Variants in PTPRD observed in about 807,000 individuals in gnomAD.
PTPRD encodes protein tyrosine phosphatase receptor type D.
Under a neutral mutation model 214.5 loss-of-function variants are expected in PTPRD, and 34 were observed. That is an observed-to-expected ratio of 0.16 (90% CI 0.12 to 0.21). The LOEUF is 0.21. PTPRD is among the 10% of genes least tolerant of loss of function. PTPRD has a pLI of 1.00. For missense variants in PTPRD, 2,545 were observed against 2,398.7 expected, an observed-to-expected ratio of 1.06 and a Z score of -1.27; for synonymous variants, 1,128 against 845.7, an observed-to-expected ratio of 1.33 and a Z score of -5.79.
chr9:9,902,143 C>T (rs2076544752), intron 5 of PTPRD, among the ~76,000 whole-genome samples: 1 of 152,126 alleles, frequency 6.6e-6, no homozygotes, highest in South Asian at 2.1e-4. Context: ...TATGTGTTTT[C>T]CATCAGCCTT....
At chr9:8,452,628 C>T (rs914514660) in intron 33 of PTPRD, among the ~76,000 whole-genome samples, 9 of 151,988 alleles carry the variant, frequency 5.9e-5, no homozygotes, top group Non-Finnish European at 8.8e-5. Context: ...AATGTTAGTG[C>T]GAGTTTATTT....
intron 5 of PTPRD, among the ~76,000 whole-genome samples, chr9:9,925,205 T>C (rs1189447808): frequency 6.6e-6 from 1 of 152,136 alleles, no homozygotes; most frequent in African/African-American, 2.4e-5. Flanking sequence ...TATACTACTG[T>C]AGAGAGGCAG....
intron 14 of PTPRD, among the ~76,000 whole-genome samples, chr9:8,556,514 A>G (rs1564315111): frequency 6.6e-6 from 1 of 151,626 alleles, no homozygotes; most frequent in Non-Finnish European, 1.5e-5. Flanking sequence ...CTTAATTAGC[A>G]AAGGCTAACT....
intron 14 of PTPRD, among the ~76,000 whole-genome samples, chr9:8,621,246 G>A (rs531643435): frequency 2.0e-5 from 3 of 151,990 alleles, no homozygotes; most frequent in South Asian, 2.1e-4. Context: ...GGGGGTCTTC[G>A]AACAAGAATT....
At chr9:10,234,036 T>C (rs2099620973) in intron 3 of PTPRD, among the ~76,000 whole-genome samples, 1 of 151,554 alleles carries the variant, frequency 6.6e-6, no homozygotes, top group Non-Finnish European at 1.5e-5. Flanking sequence ...GTGGTTCACC[T>C]TAGGTCAGGA....
chr9:9,325,079 G>C (rs1323509801), intron 9 of PTPRD, among the ~76,000 whole-genome samples: 1 of 152,160 alleles, frequency 6.6e-6, no homozygotes, highest in African/African-American at 2.4e-5. Context: ...GTACCACGCT[G>C]TTTTGGTTAC....
chr9:9,500,202 C>T (rs973809454), intron 8 of PTPRD, among the ~76,000 whole-genome samples: 2 of 152,074 alleles, frequency 1.3e-5, no homozygotes, highest in Non-Finnish European at 2.9e-5. Flanking sequence ...ATTCAACCAT[C>T]TAAAGTTAAA....
intron 3 of PTPRD, among the ~76,000 whole-genome samples, chr9:10,274,950 C>G (rs1031677629): frequency 6.6e-6 from 1 of 152,084 alleles, no homozygotes; most frequent in Admixed American, 6.6e-5. Context: ...AAGCATTGAA[C>G]AGTTCTACCT....
intron 3 of PTPRD, among the ~76,000 whole-genome samples, chr9:10,249,289 G>T (rs918265906): frequency 1.3e-5 from 2 of 152,070 alleles, no homozygotes; most frequent in Non-Finnish European, 2.9e-5. Flanking sequence ...TTTGTGTTGT[G>T]GTCAGCATGC....
chr9:10,380,455 T>C (rs2097796925), intron 2 of PTPRD, among the ~76,000 whole-genome samples: 1 of 152,054 alleles, frequency 6.6e-6, no homozygotes, highest in South Asian at 2.1e-4. Flanking sequence ...TTAGCTTCTT[T>C]GCATCAGAAA....
At chr9:10,242,912 A>G (rs2091381409) in intron 3 of PTPRD, among the ~76,000 whole-genome samples, 6 of 150,008 alleles carry the variant, frequency 4.0e-5, no homozygotes, top group Admixed American at 3.3e-4. Context: ...TTGAGAGAAA[A>G]AGGAAGGGAA....
chr9:10,208,393 A>T lies in PTPRD; in HGVS notation c.-545+132570T>A, dbSNP rs181761501. 1.5e-3 allele frequency among the ~76,000 whole-genome samples: 223 copies of T among 152,274 alleles called. 3 individuals are homozygous for T. Among genetic ancestry groups the T allele is most frequent in the African/African-American group, 5.1e-3 (211 of 41,582 alleles). On this transcript the variant is annotated intron_variant, in intron 3 of 45. Transcript: ENST00000381196. ...GCCGGGCGTGGTGGCGGGCGCCTGT[A>T]GTCCCAGCTACTCGGGAGGCTGAGG...
intron 6 of PTPRD, among the ~76,000 whole-genome samples, chr9:9,743,847 G>C (rs755665974): frequency 6.6e-6 from 1 of 150,884 alleles, no homozygotes; most frequent in Non-Finnish European, 1.5e-5. Context: ...TCTCTATAAG[G>C]TCTTGAATTT....
chr9:8,441,428 A>T (rs1371300883), intron 34 of PTPRD, among the ~76,000 whole-genome samples: 1 of 152,100 alleles, frequency 6.6e-6, no homozygotes, highest in Non-Finnish European at 1.5e-5. Flanking sequence ...CTCAAAATCC[A>T]GAGTATCGTG....
chr9:9,734,621 C>T (rs1266857996), intron 6 of PTPRD, 50 bp from the exon 7 acceptor site: 1 of 151,866 alleles, frequency 6.6e-6, no homozygotes, highest in Non-Finnish European at 1.5e-5. Flanking sequence ...GTTTTTGTTT[C>T]AGAAAAAATA....
At chr9:9,992,545 C>G (rs1195033227) in intron 4 of PTPRD, among the ~76,000 whole-genome samples, 1 of 152,124 alleles carries the variant, frequency 6.6e-6, no homozygotes, top group Non-Finnish European at 1.5e-5. Context: ...GACTTGGAAC[C>G]AACCCAAATG....
intron 3 of PTPRD, among the ~76,000 whole-genome samples, chr9:10,161,024 T>A (rs1020111711): frequency 1.3e-5 from 2 of 151,648 alleles, no homozygotes; most frequent in Admixed American, 6.6e-5. Context: ...GATATAAAAA[T>A]CCTGTAGGAG....
intron 9 of PTPRD, among the ~76,000 whole-genome samples, chr9:9,263,494 A>G (rs1023441312): frequency 4.0e-5 from 6 of 151,674 alleles, no homozygotes; most frequent in African/African-American, 1.4e-4. Flanking sequence ...CCTGAATTAC[A>G]TTTAGAAAGC....
intron 3 of PTPRD, among the ~76,000 whole-genome samples, chr9:10,142,520 A>G (rs1302880525): frequency 1.3e-5 from 2 of 152,154 alleles, no homozygotes; most frequent in African/African-American, 2.4e-5. Context: ...AAACACATGA[A>G]AAAATGCTCA....
Sources: allele counts gnomAD v4.1 joint callset (sites outside exome capture counted in the v4.1 genomes callset), GRCh38; gene constraint gnomAD v4.1.1; transcripts MANE v1.5; gene names NCBI Gene and HGNC (gene_info 2026-07-23, HGNC 2026-07-21).